The following XRN1 variants were observed in gnomAD, a reference collection of about 807,000 sequenced individuals.
XRN1 encodes the protein 5'-3' exoribonuclease 1.
XRN1 carries 67 observed loss-of-function variants against 222.3 expected under a neutral mutation model. The ratio of observed to expected loss-of-function variants is 0.30; its 90% CI spans 0.25 to 0.37. The LOEUF is 0.37. XRN1 is among the 10% of genes least tolerant of loss of function. The probability of loss-of-function intolerance (pLI) is 1.00; values close to 1 mark genes in which losing one functional copy is unlikely to be tolerated. For missense variants in XRN1, 1,707 were observed against 2,000.2 expected (o/e 0.85, Z 2.80); for synonymous variants, 643 against 652.4 (o/e 0.99, Z 0.22).
chr3:142,312,630 C>T lies in XRN1; in HGVS notation c.4750G>A (p.Gly1584Arg). 1 of 1,613,216 alleles carries T rather than the reference C, an allele frequency of 6.2e-7. No individual in the cohort carries two copies. Among genetic ancestry groups the T allele is most frequent in the Non-Finnish European group, 8.5e-7 (1 of 1,179,404 alleles). ...GGTATAAACTGATTGTGCACACCCC[C>T]TGGTATTCCCCCAGCCATGGGCATG... is the stretch of plus-strand genomic sequence containing the variant. ...GTMPMAGGIP[G>R]GVHNQFIPLQ... The change falls in exon 40 of 41, where the codon GGG becomes AGG. Residue 1584 changes from glycine (G) to arginine (R), a missense_variant. Transcript: ENST00000392981.
chr3:142,354,178 GA>G (rs1342780564), intron 32 of XRN1, among the ~76,000 whole-genome samples: 1 of 151,920 alleles, frequency 6.6e-6, no homozygotes, highest in African/African-American at 2.4e-5. Context: ...AGAAACATAT[GA>G]AAAAAATGTT....
At position 142,318,841 on chromosome 3, in the gene XRN1, G is replaced by C. The variant is rs2065274293; in HGVS notation, c.4467C>G (p.His1489Gln). 6.2e-7 allele frequency: 1 copy of C among 1,613,832 alleles called. No individual in the cohort carries two copies. The highest frequency in any genetic ancestry group is 8.5e-7 in the Non-Finnish European group (1 of 1,179,926). ...CTTTCTCTTTGGCTTCATTTTCAGA[G>C]TGGCACTGTGGCCCATGTACCAGTA... ...NGLLVHGPQC[H>Q]SENEAKEKAA... The change falls in exon 38 of 41, where the codon CAC becomes CAG. Residue 1489 changes from histidine to glutamine, a missense_variant. Physicochemically the swap from His to Gln is conservative, Grantham distance 24. This residue lies in a region of XRN1 where 473 missense variants were observed against 482.0 expected (regional missense o/e 0.98). Transcript: ENST00000392981.
At chr3:142,337,873 G>A (rs932715591) in intron 33 of XRN1, among the ~76,000 whole-genome samples, 13 of 152,162 alleles carry the variant, frequency 8.5e-5, no homozygotes, top group African/African-American at 3.1e-4. Flanking sequence ...AAGAGAATGG[G>A]CATAAATTAG....
chr3:142,382,664 T>C (rs894843728), intron 22 of XRN1, among the ~76,000 whole-genome samples: 1 of 152,132 alleles, frequency 6.6e-6, no homozygotes, highest in Non-Finnish European at 1.5e-5. Flanking sequence ...TTTTAGTGAG[T>C]TATGAAATTA....
chr3:142,366,118 T>C (rs543471306), intron 27 of XRN1, among the ~76,000 whole-genome samples: 2 of 152,324 alleles, frequency 1.3e-5, no homozygotes, highest in Admixed American at 6.5e-5. Flanking sequence ...CCTCCTTCCA[T>C]CTGTAAGATG....
chr3:142,398,095 AT>A (rs1311180761), intron 19 of XRN1, among the ~76,000 whole-genome samples: 2 of 152,034 alleles, frequency 1.3e-5, no homozygotes, highest in African/African-American at 2.4e-5. Context: ...AATAAAAAAA[AT>A]ATGCCAGGTA....
At chr3:142,395,583 TC>T (rs2067898985) in intron 20 of XRN1, among the ~76,000 whole-genome samples, 1 of 152,226 alleles carries the variant, frequency 6.6e-6, no homozygotes, top group South Asian at 2.1e-4. Flanking sequence ...GAACAAGTTG[TC>T]AATTTCTACT....
At chr3:142,414,083 A>G (rs1461017287) in intron 14 of XRN1, 52 bp downstream of exon 14, 1 of 1,455,738 alleles carries the variant, frequency 6.9e-7, no homozygotes, top group African/African-American at 1.4e-5. Context: ...GTTTGGAGGA[A>G]GAGCTTCTAA....
At chr3:142,403,112 G>A (rs1253067124) in intron 18 of XRN1, among the ~76,000 whole-genome samples, 1 of 152,098 alleles carries the variant, frequency 6.6e-6, no homozygotes, top group African/African-American at 2.4e-5. Flanking sequence ...GGTACTCAAG[G>A]TTCGACATAA....
intron 24 of XRN1, 169 bp from the exon 25 acceptor site, chr3:142,376,113 AG>A (rs758073946): frequency 8.1e-7 from 1 of 1,236,330 alleles, no homozygotes; most frequent in Non-Finnish European, 1.1e-6. Flanking sequence ...CCAAAGTAGC[AG>A]TAATTGAAAA....
chr3:142,328,950 G>C (rs1577228845), intron 37 of XRN1, among the ~76,000 whole-genome samples: 1 of 151,050 alleles, frequency 6.6e-6, no homozygotes, highest in Non-Finnish European at 1.5e-5. Flanking sequence ...GTAGAGATGA[G>C]GTCTTGCTAT....
chr3:142,407,084 G>A (rs2068370842), intron 15 of XRN1, among the ~76,000 whole-genome samples: 1 of 152,320 alleles, frequency 6.6e-6, no homozygotes, highest in African/African-American at 2.4e-5. Flanking sequence ...TGCTGCGTAA[G>A]TATATCTCAG....
intron 3 of XRN1, 151 bp from the exon 4 acceptor site, chr3:142,425,689 G>C (rs1400733675): frequency 1.6e-6 from 1 of 628,564 alleles, no homozygotes; most frequent in Non-Finnish European, 2.8e-6. Flanking sequence ...TGCTTATCCT[G>C]AAAAACAAGT....
intron 33 of XRN1, among the ~76,000 whole-genome samples, chr3:142,341,764 G>T (rs944201592): frequency 1.3e-5 from 2 of 151,914 alleles, no homozygotes; most frequent in Admixed American, 6.6e-5. Flanking sequence ...ATGGAGCAGG[G>T]GTTAGCTATA....
intron 39 of XRN1, among the ~76,000 whole-genome samples, chr3:142,315,234 T>C (rs1038139867): frequency 1.1e-4 from 16 of 152,032 alleles, no homozygotes; most frequent in Admixed American, 9.2e-4. Flanking sequence ...CACACTCAGC[T>C]ATCTGTTTTC....
intron 32 of XRN1, among the ~76,000 whole-genome samples, chr3:142,352,048 ATAT>A (rs2066324099): frequency 6.6e-6 from 1 of 152,162 alleles, no homozygotes; most frequent in African/African-American, 2.4e-5. Context: ...TTTTACAATG[ATAT>A]TATAAATCAT....
intron 37 of XRN1, among the ~76,000 whole-genome samples, chr3:142,324,270 A>G (rs902196302): frequency 2.3e-5 from 2 of 85,290 alleles, no homozygotes; most frequent in African/African-American, 4.7e-5. Flanking sequence ...AACAGTCCCC[A>G]GCGTGTGATG....
Position 142,426,861 on chromosome 3 carries a change from A to C in XRN1, c.309-20T>G. 11 of 1,596,146 alleles carry C rather than the reference A, an allele frequency of 6.9e-6. No homozygotes were observed. Among genetic ancestry groups the C allele is most frequent in the Non-Finnish European group, 9.4e-6 (11 of 1,168,902 alleles). The stretch of plus-strand genomic sequence containing the variant: ...GCTGACCTTAAAGGTTAAGGGAAAA[A>C]AGTACCTTAAGTTTTCTGAAAAAAA... On this transcript the variant is annotated intron_variant, in intron 2 of 40. Coordinates refer to ENST00000392981, the MANE Select transcript of XRN1 (RefSeq NM_001282857.2).
At position 142,447,843 on chromosome 3, in the gene XRN1, C is replaced by T. The variant is rs1350336413; in HGVS notation, c.75+27G>A. ...CGCGGAGCCCCGGGTCCTCGGCTTT[C>T]TGAGCCGTTGCCCCTCGCTCACCCA... is the stretch of plus-strand genomic sequence containing the variant. On this transcript the variant is annotated intron_variant, in intron 1 of 40. Coordinates refer to ENST00000392981, the MANE Select transcript of XRN1 (RefSeq NM_001282857.2). The surrounding 1 kb of genome is among the most constrained non-coding windows in gnomAD (Gnocchi z 4.2). 1.9e-6 allele frequency: 3 copies of T among 1,612,416 alleles called. No homozygotes were observed. The South Asian group carries it at 3.3e-5, about 18-fold the overall frequency.
Sources: allele counts gnomAD v4.1 joint callset (sites outside exome capture counted in the v4.1 genomes callset), GRCh38; gene constraint gnomAD v4.1.1; regional missense constraint gnomAD v4.1.1; non-coding constraint Gnocchi (gnomAD v3.1); transcripts MANE v1.5; gene names NCBI Gene and HGNC (gene_info 2026-07-23, HGNC 2026-07-21).